Variants in ZRANB3 observed in about 807,000 individuals in gnomAD.
ZRANB3 encodes zinc finger RANBP2-type containing 3.
In ZRANB3, 125 loss-of-function variants were observed where a neutral mutation model predicts 133.8. The observed-to-expected ratio is 0.93, with a 90% confidence interval of 0.81 to 1.08. The LOEUF (loss-of-function observed/expected upper bound fraction) is 1.08. Among genes scored for constraint, ZRANB3 ranks in the 50% least tolerant of loss-of-function variants. ZRANB3 has a pLI of 0.00. For synonymous variants in ZRANB3, 387 were observed against 432.7 expected (o/e 0.89, Z 1.31); for missense variants, 1,229 against 1,275.5 (o/e 0.96, Z 0.56).
chr2:135,236,671 A>G lies in ZRANB3; in HGVS notation c.1540-5744T>C, dbSNP rs569614884. Reference sequence around the variant, plus strand: ...CTATCTGATCTTTGACAAACCTGAGAAAAACAAGCAATGGGGAAAGGATTC... The same window carrying G: ...CTATCTGATCTTTGACAAACCTGAGGAAAACAAGCAATGGGGAAAGGATTC... On this transcript the variant is annotated intron_variant, in intron 12 of 20. Transcript: ENST00000264159. 1.3e-3 allele frequency among the ~76,000 whole-genome samples: 205 copies of G among 152,326 alleles called. 3 individuals are homozygous for G. The highest frequency in any genetic ancestry group is 4.8e-3 in the African/African-American group (199 of 41,588).
chr2:135,293,198 T>C (rs2104797445), intron 8 of ZRANB3, among the ~76,000 whole-genome samples: 1 of 152,348 alleles, frequency 6.6e-6, no homozygotes, highest in South Asian at 2.1e-4. Flanking sequence ...TATGGCCATT[T>C]TCATGACATT....
intron 2 of ZRANB3, among the ~76,000 whole-genome samples, chr2:135,497,147 T>C (rs1692709411): frequency 1.3e-5 from 2 of 152,362 alleles, no homozygotes; most frequent in East Asian, 1.9e-4. Context: ...AAATACTCTG[T>C]ATTATAAATA....
chr2:135,387,275 T>C (rs1302284139), intron 3 of ZRANB3, among the ~76,000 whole-genome samples: 2 of 152,198 alleles, frequency 1.3e-5, no homozygotes, highest in African/African-American at 2.4e-5. Flanking sequence ...CAAAAAGTGG[T>C]TGACCTTTAA....
intron 4 of ZRANB3, among the ~76,000 whole-genome samples, chr2:135,352,844 G>A (rs1685271306): frequency 1.3e-5 from 2 of 152,082 alleles, no homozygotes; most frequent in African/African-American, 4.8e-5. Context: ...CACATTCCAT[G>A]TAATAACTCA....
At chr2:135,266,081 C>T (rs1326152635) in intron 11 of ZRANB3, among the ~76,000 whole-genome samples, 5 of 152,072 alleles carry the variant, frequency 3.3e-5, no homozygotes, top group Non-Finnish European at 5.9e-5. Flanking sequence ...TGGTGGCAGG[C>T]GCCTGTGATC....
chr2:135,338,164 A>G (rs1684453436), intron 6 of ZRANB3, among the ~76,000 whole-genome samples: 2 of 152,234 alleles, frequency 1.3e-5, no homozygotes, highest in Admixed American at 1.3e-4. Context: ...AAGAAGTTAC[A>G]TGGATCTAGC....
chr2:135,275,598 C>G lies in ZRANB3; in HGVS notation c.1086+38G>C, dbSNP rs1680771930. 3.3e-6 allele frequency: 5 copies of G among 1,515,198 alleles called. No homozygotes were observed. The Middle Eastern group carries it at 5.4e-4, about 163-fold the overall frequency. The allele number at this position is 1,515,198 out of a possible 1,614,324, so 93.9% of individuals were successfully genotyped here. A position where few individuals can be genotyped will look rare whatever the true frequency, so the allele number is the denominator to read the frequency against. On this transcript the variant is annotated intron_variant, in intron 9 of 20. Coordinates refer to ENST00000264159, the MANE Select transcript of ZRANB3 (RefSeq NM_032143.4). ...TGATGTTTAGTATAGTAAAAATATG[C>G]ATTCTAAAAAGTATTTAGTTAAAAA... is the stretch of plus-strand genomic sequence containing the variant.
intron 3 of ZRANB3, among the ~76,000 whole-genome samples, chr2:135,375,350 C>T (rs896003254): frequency 6.6e-6 from 1 of 151,792 alleles, no homozygotes; most frequent in African/African-American, 2.4e-5. Context: ...GTCGGGAGTT[C>T]GAGACCAGCC....
intron 8 of ZRANB3, among the ~76,000 whole-genome samples, chr2:135,295,949 T>C (rs1682052697): frequency 6.6e-6 from 1 of 152,260 alleles, no homozygotes; most frequent in South Asian, 2.1e-4. Context: ...AAAGATCTGC[T>C]GTTAGTCTGA....
intron 2 of ZRANB3, among the ~76,000 whole-genome samples, chr2:135,391,105 C>T (rs948823735): frequency 6.6e-5 from 10 of 152,118 alleles, no homozygotes; most frequent in South Asian, 2.1e-4. Context: ...GTGATCTGCT[C>T]GCCTCAGCCT....
chr2:135,255,003 G>A (rs1385855311), intron 12 of ZRANB3, among the ~76,000 whole-genome samples: 2 of 151,858 alleles, frequency 1.3e-5, no homozygotes, highest in African/African-American at 2.4e-5. Flanking sequence ...TGCCTGCCTC[G>A]GCCTCCCAAA....
intron 2 of ZRANB3, among the ~76,000 whole-genome samples, chr2:135,436,034 A>G (rs1453454787): frequency 1.3e-5 from 2 of 152,154 alleles, no homozygotes; most frequent in Admixed American, 1.3e-4. Flanking sequence ...TGCTATTGGT[A>G]TCTTTGTTAT....
chr2:135,508,897 C>T (rs114961239), intron 1 of ZRANB3, among the ~76,000 whole-genome samples: 3 of 151,806 alleles, frequency 2.0e-5, no homozygotes, highest in African/African-American at 4.8e-5. Context: ...TTAACAGTTA[C>T]AATAATGTGC....
chr2:135,422,184 C>G (rs565802489), intron 2 of ZRANB3, among the ~76,000 whole-genome samples: 1 of 152,174 alleles, frequency 6.6e-6, no homozygotes, highest in African/African-American at 2.4e-5. Context: ...TTCCTGACAG[C>G]TACGTTTTTC....
At chr2:135,277,135 C>T (rs1006015080) in intron 8 of ZRANB3, among the ~76,000 whole-genome samples, 7 of 152,070 alleles carry the variant, frequency 4.6e-5, no homozygotes, top group African/African-American at 1.7e-4. Flanking sequence ...TGAGATCTGC[C>T]CCTCTGTCCC....
At chr2:135,360,506 C>A (rs1022657695) in intron 3 of ZRANB3, among the ~76,000 whole-genome samples, 16 of 151,950 alleles carry the variant, frequency 1.1e-4, no homozygotes, top group African/African-American at 3.9e-4. Context: ...GAGATCGAGA[C>A]CATCCTGGCT....
intron 2 of ZRANB3, among the ~76,000 whole-genome samples, chr2:135,478,698 T>G (rs762903618): frequency 6.6e-6 from 1 of 152,116 alleles, no homozygotes; most frequent in Non-Finnish European, 1.5e-5. Context: ...TTTTCCACTA[T>G]GTGAATATAC....
At chr2:135,461,177 A>G (rs1449773431) in intron 2 of ZRANB3, among the ~76,000 whole-genome samples, 2 of 152,204 alleles carry the variant, frequency 1.3e-5, no homozygotes, top group Non-Finnish European at 2.9e-5. Context: ...ACTCCTGTAT[A>G]GCTCATGTAT....
At chr2:135,211,630 A>G (rs890147303) in intron 17 of ZRANB3, among the ~76,000 whole-genome samples, 5 of 152,210 alleles carry the variant, frequency 3.3e-5, no homozygotes, top group African/African-American at 9.6e-5. Flanking sequence ...ATAGCATAGC[A>G]TATACACTAA....
Sources: allele counts gnomAD v4.1 joint callset (sites outside exome capture counted in the v4.1 genomes callset), GRCh38; gene constraint gnomAD v4.1.1; transcripts MANE v1.5; gene names NCBI Gene and HGNC (gene_info 2026-07-23, HGNC 2026-07-21).